NARS1: variants seen among roughly 807,000 people sequenced by gnomAD.
The protein encoded by NARS1 is asparagine--tRNA ligase, cytoplasmic.
A neutral mutation model predicts 79.2 loss-of-function variants in NARS1; 65 were observed. That is an observed-to-expected ratio of 0.82 (90% CI 0.67 to 1.01). NARS1 has a LOEUF of 1.01. Among genes scored for constraint, NARS1 ranks in the 50% least tolerant of loss-of-function variants. NARS1 has a pLI of 0.00. For synonymous variants in NARS1, 229 were observed against 238.8 expected, an observed-to-expected ratio of 0.96 and a Z score of 0.38; for missense variants, 649 against 673.8, an observed-to-expected ratio of 0.96 and a Z score of 0.41.
intron 2 of NARS1, 44 bp from the exon 3 acceptor site, chr18:57,616,019 A>G (rs1908015239): frequency 4.7e-6 from 7 of 1,484,846 alleles, no homozygotes; most frequent in Non-Finnish European, 5.4e-6. Context: ...AACATTGTAC[A>G]ATACTTAAAA....
intron 11 of NARS1, among the ~76,000 whole-genome samples, chr18:57,603,897 C>T (rs1000098934): frequency 5.9e-5 from 9 of 152,194 alleles, no homozygotes; most frequent in Non-Finnish European, 1.2e-4. Flanking sequence ...TTCATACCCC[C>T]CAAAGCCTGA....
At chr18:57,605,796 CAGA>C (rs1336881274) in intron 11 of NARS1, 58 bp downstream of exon 11, 11 of 1,123,610 alleles carry the variant, frequency 9.8e-6, no homozygotes, top group South Asian at 9.6e-5. Flanking sequence ...GTTCATTAAC[CAGA>C]AGAAGAGAAT....
At chr18:57,610,323 T>G (rs553321243) in intron 6 of NARS1, among the ~76,000 whole-genome samples, 1 of 152,174 alleles carries the variant, frequency 6.6e-6, no homozygotes, top group South Asian at 2.1e-4. Context: ...AATACAAAAG[T>G]TAGCTGGGTA....
chr18:57,620,720 T>A, intron 1 of NARS1, 69 bp from the exon 2 acceptor site: 1 of 872,902 alleles, frequency 1.1e-6, no homozygotes, highest in African/African-American at 1.7e-5. Flanking sequence ...ACTTTATTCA[T>A]TCCTTATCTT....
rs777826631 is a variant in NARS1, at chr18:57,607,172, G to C, written c.963C>G (p.Tyr321Ter). The C allele has an allele frequency of 6.2e-7, 1 of 1,614,036 alleles. No individual in the cohort carries two copies. Among genetic ancestry groups the C allele is most frequent in the Non-Finnish European group, 8.5e-7 (1 of 1,180,004 alleles). The change falls in exon 9 of 14, where the codon TAC (tyrosine) becomes TAG (stop). Residue 321 changes from tyrosine to a stop codon, truncating the protein, a stop_gained. Transcript: ENST00000256854. LOFTEE classifies it high-confidence loss of function. ...LGDVFCIAQS[Y>*]RAEQSRTRRH... Reference sequence around the variant, plus strand: ...TTCGTGTTCTGGACTGCTCTGCCCGGTATGACTGAGCAATACAAAAAACAT... The same window carrying C: ...TTCGTGTTCTGGACTGCTCTGCCCGCTATGACTGAGCAATACAAAAAACAT...
At chr18:57,607,688 C>T in intron 7 of NARS1, 23 bp from the exon 8 acceptor site, 1 of 1,572,376 alleles carries the variant, frequency 6.4e-7, no homozygotes, top group Non-Finnish European at 8.7e-7. Context: ...AAAGTGGGGT[C>T]CAGAGAAAGA....
chr18:57,619,266 ATTTT>A (rs57667136), intron 2 of NARS1, among the ~76,000 whole-genome samples: 65 of 123,722 alleles, frequency 5.3e-4, no homozygotes, highest in African/African-American at 1.9e-3. Flanking sequence ...TGCCTGGCTA[ATTTT>A]TTTTTTTTTT....
intron 5 of NARS1, 69 bp downstream of exon 5, chr18:57,613,533 G>A (rs1449252416): frequency 7.4e-7 from 1 of 1,351,598 alleles, no homozygotes; most frequent in Non-Finnish European, 1.0e-6. Context: ...GCAAATCTTT[G>A]TATGTTTTTC....
intron 7 of NARS1, among the ~76,000 whole-genome samples, chr18:57,608,857 TG>T (rs762506980): frequency 3.3e-5 from 5 of 152,206 alleles, no homozygotes; most frequent in Non-Finnish European, 7.4e-5. Context: ...ACCCTCAATG[TG>T]GGTGGGCACC....
Position 57,620,553 on chromosome 18 carries a change from T to C in NARS1, c.93+16A>G, listed in dbSNP as rs1908256682. 3.2e-6 allele frequency: 5 copies of C among 1,562,308 alleles called. No homozygotes were observed. The highest frequency in any genetic ancestry group is 1.8e-5 in the Admixed American group (1 of 54,762). ...AATAAATGCAGTCTCATTTTCCTAA[T>C]GAGAAGAGACTCTACCTTTAGACCT... is the stretch of plus-strand genomic sequence containing the variant. On this transcript the variant is annotated intron_variant, in intron 2 of 13. Coordinates refer to ENST00000256854, the MANE Select transcript of NARS1 (RefSeq NM_004539.4).
At chr18:57,604,046 A>G (rs2051533240) in intron 11 of NARS1, among the ~76,000 whole-genome samples, 1 of 152,208 alleles carries the variant, frequency 6.6e-6, no homozygotes, top group African/African-American at 2.4e-5. Flanking sequence ...AACAGATGTT[A>G]CTTCCAAGGT....
chr18:57,601,350 T>C lies in NARS1; in HGVS notation c.*302A>G, dbSNP rs79936743. On this transcript the variant is annotated 3_prime_UTR_variant, in exon 14 of 14. Coordinates refer to ENST00000256854, the MANE Select transcript of NARS1 (RefSeq NM_004539.4). ...ATACATACATATAACTTGAATAAAA[T>C]GAATAACTTGGATAAAGTGAGTAAA... is the stretch of plus-strand genomic sequence containing the variant. The C allele has an allele frequency of 0.087, 18,716 of 215,382 alleles. 1,003 individuals are homozygous for C. The highest frequency in any genetic ancestry group is 0.1 in the East Asian group (1,068 of 10,284). 13.3% of individuals were successfully genotyped at this position (215,382 alleles called of 1,614,324 possible).
chr18:57,621,805 G>T lies in NARS1; in HGVS notation c.-88C>A, dbSNP rs372792555. 4.4e-6 allele frequency: 7 copies of T among 1,601,866 alleles called. No homozygotes were observed. In the East Asian group the frequency reaches 1.6e-4, roughly 37 times the overall value. On this transcript the variant is annotated 5_prime_UTR_variant, in exon 1 of 14. Coordinates refer to ENST00000256854, the MANE Select transcript of NARS1 (RefSeq NM_004539.4). ...TCCAACGTGCACCGGCGGTTTCCGC[G>T]ATTCCGGCGTTGCATCAGAGAGCGT...
In NARS1 at chr18:57,607,310, T is replaced by C. The variant is rs761948717; in HGVS notation, c.825A>G (p.Gln275=). The change falls in exon 9 of 14, where the codon CAA becomes CAG. Residue 275 remains glutamine, a synonymous_variant. Transcript: ENST00000256854. ...YYEVTPPTLV[Q]TQVEGGATLF... Reference sequence around the variant, plus strand: ...GTGTGGCACCACCTTCTACTTGTGTTTGCACTAATGTTGGAGGAGTAACCT... The same window carrying C: ...GTGTGGCACCACCTTCTACTTGTGTCTGCACTAATGTTGGAGGAGTAACCT... 6.2e-7 allele frequency: 1 copy of C among 1,614,180 alleles called. No homozygotes were observed. The highest frequency in any genetic ancestry group is 8.5e-7 in the Non-Finnish European group (1 of 1,180,026).
At chr18:57,620,816 C>T (rs546867133) in intron 1 of NARS1, among the ~76,000 whole-genome samples, 165 bp from the exon 2 acceptor site, 2 of 152,356 alleles carry the variant, frequency 1.3e-5, no homozygotes, top group Admixed American at 6.5e-5. Context: ...ATTTCAATAA[C>T]ATCCATCTCA....
chr18:57,616,137 C>T, intron 2 of NARS1, 162 bp from the exon 3 acceptor site: 2 of 670,430 alleles, frequency 3.0e-6, no homozygotes, highest in South Asian at 4.4e-5. Context: ...TTAAGAAGCA[C>T]ACTGGTTGGC....
At chr18:57,605,595 A>G (rs2051547113) in intron 11 of NARS1, among the ~76,000 whole-genome samples, 1 of 139,810 alleles carries the variant, frequency 7.2e-6, no homozygotes, top group Non-Finnish European at 1.5e-5. Context: ...TAGGCGACAG[A>G]GCGAGACTCC....
intron 2 of NARS1, 70 bp from the exon 3 acceptor site, chr18:57,616,045 A>C: frequency 2.7e-4 from 368 of 1,346,164 alleles, no homozygotes; most frequent in Non-Finnish European, 3.3e-4. Flanking sequence ...ATAACATCTC[A>C]AGTATAAGGC....
At position 57,606,751 on chromosome 18, in the gene NARS1, C is replaced by T; in HGVS notation, c.1002G>A (p.Glu334=). 6.2e-7 allele frequency: 1 copy of T among 1,614,088 alleles called. No individual in the cohort carries two copies. Among genetic ancestry groups the T allele is most frequent in the South Asian group, 1.1e-5 (1 of 91,078 alleles). Residue 334 remains glutamate, a splice_region_variant and synonymous_variant, in exon 10 of 14, where the codon GAG becomes GAA. Transcript: ENST00000256854. ...EQSRTRRHLA[E]YTHVEAECPF... is the part of the protein sequence containing the mutation. ...GACACTCAGCTTCCACGTGAGTGTA[C>T]CTGAAGAACGAGACAATAGCTCAGC...
Sources: allele counts gnomAD v4.1 joint callset (sites outside exome capture counted in the v4.1 genomes callset), GRCh38; gene constraint gnomAD v4.1.1; transcripts MANE v1.5; gene names NCBI Gene and HGNC (gene_info 2026-07-23, HGNC 2026-07-21).